CHD8: variants seen among roughly 807,000 people sequenced by gnomAD.
CHD8 encodes the protein chromodomain helicase DNA binding protein 8.
CHD8 carries 31 observed loss-of-function variants against 279.2 expected under a neutral mutation model. The observed-to-expected ratio is 0.11, with a 90% CI of 0.08 to 0.15. The LOEUF is 0.15. CHD8 is among the 10% of genes least tolerant of loss of function. The probability of loss-of-function intolerance (pLI) is 1.00; values close to 1 mark genes in which losing one functional copy is unlikely to be tolerated. For missense variants in CHD8, 2,146 were observed against 3,230.5 expected, an observed-to-expected ratio of 0.66 and a Z score of 8.14; for synonymous variants, 1,081 against 1,139.6, an observed-to-expected ratio of 0.95 and a Z score of 1.04.
intron 37 of CHD8, among the ~76,000 whole-genome samples, chr14:21,386,939 A>C (rs1031465015): frequency 2.0e-5 from 3 of 152,236 alleles, no homozygotes; most frequent in African/African-American, 7.2e-5. Flanking sequence ...TAGCACATCA[A>C]AGCAGGGTAA....
At chr14:21,450,341 A>G (rs895313059) in intron 1 of CHD8, among the ~76,000 whole-genome samples, 1 of 152,238 alleles carries the variant, frequency 6.6e-6, no homozygotes, top group Non-Finnish European at 1.5e-5. Context: ...CACTAATATG[A>G]CAATGTACTT....
intron 1 of CHD8, among the ~76,000 whole-genome samples, chr14:21,448,071 G>A (rs1034378369): frequency 2.6e-5 from 4 of 152,162 alleles, no homozygotes; most frequent in Admixed American, 6.5e-5. Flanking sequence ...ACTGAGCCAA[G>A]TACACATAAA....
At chr14:21,453,097 C>T (rs977356796) in intron 1 of CHD8, among the ~76,000 whole-genome samples, 1 of 151,668 alleles carries the variant, frequency 6.6e-6, no homozygotes, top group African/African-American at 2.4e-5. Context: ...TCACTTGAGC[C>T]GAGGAGTTCA....
chr14:21,439,813 A>G (rs1158142956), intron 1 of CHD8, among the ~76,000 whole-genome samples: 1 of 152,250 alleles, frequency 6.6e-6, no homozygotes, highest in Non-Finnish European at 1.5e-5. Context: ...AAAAAGACAA[A>G]TTACTATTGT....
Position 21,385,582 on chromosome 14 carries a change from C to G in CHD8, c.*31G>C. 1 of 1,533,362 alleles carries G rather than the reference C, an allele frequency of 6.5e-7. No homozygotes were observed. Among genetic ancestry groups the G allele is most frequent in the Non-Finnish European group, 8.8e-7 (1 of 1,137,722 alleles). The allele number at this position is 1,533,362 out of a possible 1,614,324, so 95.0% of individuals were successfully genotyped here. On this transcript the variant is annotated 3_prime_UTR_variant, in exon 38 of 38. Transcript: ENST00000646647. ...GCCAGAGTAAATGAAAATACAGCAG[C>G]CGCCCAAGCAATGGGGCCCATGCTG... is the stretch of plus-strand genomic sequence containing the variant.
At chr14:21,436,182 T>C (rs1889773261) in intron 1 of CHD8, among the ~76,000 whole-genome samples, 1 of 152,204 alleles carries the variant, frequency 6.6e-6, no homozygotes, top group East Asian at 1.9e-4. Context: ...CAGAAAAGAA[T>C]AAACTATTTT....
In CHD8 at chr14:21,386,195, A is replaced by C. The variant is rs1168605388; in HGVS notation, c.7183-19T>G. 6.5e-7 allele frequency: 1 copy of C among 1,530,354 alleles called. No homozygotes were observed. The highest frequency in any genetic ancestry group is 8.8e-7 in the Non-Finnish European group (1 of 1,137,260). 94.8% of individuals were successfully genotyped at this position (1,530,354 alleles called of 1,614,324 possible). ...GATGACCCTAGGAGGAGGGAATAGA[A>C]GATAATAAAAAGAAAGAAAGGGGAA... On this transcript the variant is annotated intron_variant, in intron 37 of 37. Coordinates refer to ENST00000646647, the MANE Select transcript of CHD8 (RefSeq NM_001170629.2).
At chr14:21,397,737 A>G (rs867737235) in intron 27 of CHD8, 86 bp downstream of exon 27, 33 of 1,384,864 alleles carry the variant, frequency 2.4e-5, no homozygotes, top group East Asian at 9.5e-5. Flanking sequence ...TATAATTACA[A>G]TTAAGAATCC....
chr14:21,454,135 G>C (rs1890322242), intron 1 of CHD8, among the ~76,000 whole-genome samples: 1 of 139,360 alleles, frequency 7.2e-6, no homozygotes, highest in Admixed American at 7.4e-5. Flanking sequence ...TCCAGCCTGG[G>C]TGACAGAGCA....
intron 13 of CHD8, among the ~76,000 whole-genome samples, chr14:21,407,712 G>A (rs955223804): frequency 7.2e-5 from 11 of 151,892 alleles, no homozygotes; most frequent in Admixed American, 4.6e-4. Flanking sequence ...GGTTTCAAGC[G>A]ATTCTCCTGC....
Position 21,393,915 on chromosome 14 carries a change from G to A in CHD8, c.5880C>T (p.Ala1960=). The A allele has an allele frequency of 1.9e-6, 3 of 1,613,898 alleles. No homozygotes were observed. Among genetic ancestry groups the A allele is most frequent in the East Asian group, 2.2e-5 (1 of 44,874 alleles). ...MQDPDFSFLA[A]RMNYMQNHQA... Reference sequence around the variant, plus strand: ...GATGGTTCTGCATATAATTCATACGGGCAGCCAGAAAAGAGAAGTCTGGGT... The same window carrying A: ...GATGGTTCTGCATATAATTCATACGAGCAGCCAGAAAAGAGAAGTCTGGGT... The change falls in exon 32 of 38, where the codon GCC becomes GCT. Residue 1960 remains alanine, a synonymous_variant. Coordinates refer to ENST00000646647, the MANE Select transcript of CHD8 (RefSeq NM_001170629.2).
Position 21,427,988 on chromosome 14 carries a change from T to C in CHD8, c.1482A>G (p.Pro494=), listed in dbSNP as rs1889400975. The C allele has an allele frequency of 1.9e-6, 3 of 1,613,976 alleles. No individual in the cohort carries two copies. The highest frequency in any genetic ancestry group is 2.5e-6 in the Non-Finnish European group (3 of 1,179,914). The change falls in exon 4 of 38, where the codon CCA becomes CCG. Residue 494 remains proline, a synonymous_variant. Transcript: ENST00000646647. Reference sequence around the variant, plus strand: ...TGCGTTTCTTCTCGCCTTCCTCCTCTGGCCGAACGCTGGGCAACTCGTCCT... The same window carrying C: ...TGCGTTTCTTCTCGCCTTCCTCCTCCGGCCGAACGCTGGGCAACTCGTCCT... The part of the protein sequence containing the change: ...LNEDELPSVR[P]EEEGEKKRRK...
In CHD8 at chr14:21,402,969, A is replaced by C; in HGVS notation, c.3714+48T>G. On this transcript the variant is annotated intron_variant, in intron 18 of 37. Transcript: ENST00000646647. This position sits in a 1 kb window ranked among gnomAD's most constrained non-coding sequence, Gnocchi z 4.5. ...CTAAAAGATCCTATTCTTGTTGAAAAATCTCCCAAGTTAGGTAGTTAGTCC... is the reference window on the plus strand; with the variant it reads ...CTAAAAGATCCTATTCTTGTTGAAACATCTCCCAAGTTAGGTAGTTAGTCC... 6.8e-7 allele frequency: 1 copy of C among 1,476,620 alleles called. No homozygotes were observed. The highest frequency in any genetic ancestry group is 9.3e-7 in the Non-Finnish European group (1 of 1,075,476). 91.5% of individuals were successfully genotyped at this position (1,476,620 alleles called of 1,614,324 possible). A position where few individuals can be genotyped will look rare whatever the true frequency, so the allele number is the denominator to read the frequency against.
chr14:21,424,916 C>T lies in CHD8; in HGVS notation c.1716+1212G>A, dbSNP rs573771102. Among the ~76,000 whole-genome samples, 10 of 152,266 alleles carry T rather than the reference C, an allele frequency of 6.6e-5. No homozygotes were observed. In the South Asian group the frequency reaches 2.1e-3, roughly 32 times the overall value. ...TTCATTTAGTCCAAATCTCCATTTA[C>T]AGATGAGAAACTGAGACTCAAGTAA... On this transcript the variant is annotated intron_variant, in intron 5 of 37. Transcript: ENST00000646647.
chr14:21,433,645 A>G (rs754852093), intron 1 of CHD8, among the ~76,000 whole-genome samples: 1 of 152,212 alleles, frequency 6.6e-6, no homozygotes, highest in Non-Finnish European at 1.5e-5. Context: ...CAAAGAGAAC[A>G]AACACGTGAG....
intron 34 of CHD8, 77 bp from the exon 35 acceptor site, chr14:21,392,023 T>C (rs942526514): frequency 8.6e-6 from 9 of 1,048,996 alleles, no homozygotes; most frequent in Admixed American, 1.7e-5. Flanking sequence ...TTGAGGGATG[T>C]GGGCTATAGG....
chr14:21,423,166 C>G (rs1889130091), intron 5 of CHD8, among the ~76,000 whole-genome samples: 1 of 152,064 alleles, frequency 6.6e-6, no homozygotes, highest in Non-Finnish European at 1.5e-5. Flanking sequence ...TGCAGTGAGC[C>G]AAGATTGCGC....
Position 21,399,967 on chromosome 14 carries a change from T to C in CHD8, c.4817+14A>G, listed in dbSNP as rs754410131. The C allele has an allele frequency of 7.5e-6, 12 of 1,606,390 alleles. No individual in the cohort carries two copies. The African/African-American group carries it at 1.2e-4, about 16-fold the overall frequency. On this transcript the variant is annotated intron_variant, in intron 25 of 37. Coordinates refer to ENST00000646647, the MANE Select transcript of CHD8 (RefSeq NM_001170629.2). ...AGGTAGGGCATAAATCAAAAAAATA[T>C]AGCAGAATTTTACCTGGCAATCGCA... is the stretch of plus-strand genomic sequence containing the variant.
At chr14:21,404,607 T>C (rs1888183591) in intron 16 of CHD8, among the ~76,000 whole-genome samples, 1 of 152,094 alleles carries the variant, frequency 6.6e-6, no homozygotes, top group African/African-American at 2.4e-5. Flanking sequence ...CAGAGTAACC[T>C]AAGAGTGTTT....
Sources: gnomAD v4.1 joint callset for allele counts (sites outside exome capture counted in the v4.1 genomes callset) on GRCh38, gnomAD v4.1.1 for gene constraint, Gnocchi (gnomAD v3.1) non-coding constraint, MANE v1.5 for transcripts, NCBI Gene and HGNC (gene_info 2026-07-23, HGNC 2026-07-21) for gene names.